The following TGM5 variants were observed in gnomAD, a reference collection of about 807,000 sequenced individuals.
TGM5 encodes the protein transglutaminase 5.
TGM5 carries 69 observed loss-of-function variants against 77.2 expected under a neutral mutation model. The observed-to-expected ratio is 0.89, with a 90% CI of 0.74 to 1.09. The LOEUF (loss-of-function observed/expected upper bound fraction) is 1.09. TGM5 is among the 50% of genes least tolerant of loss of function. TGM5 has a pLI of 0.00. For missense variants in TGM5, 842 were observed against 896.5 expected, an observed-to-expected ratio of 0.94 and a Z score of 0.78; for synonymous variants, 346 against 351.8, an observed-to-expected ratio of 0.98 and a Z score of 0.18.
intron 7 of TGM5, 145 bp downstream of exon 7, chr15:43,240,706 TG>T: frequency 1.4e-5 from 11 of 784,098 alleles, no homozygotes; most frequent in South Asian, 4.8e-5. Context: ...ACAGCCTTGG[TG>T]GGGGGTGGGT....
intron 7 of TGM5, among the ~76,000 whole-genome samples, chr15:43,240,363 C>G (rs1212417380): frequency 6.6e-6 from 1 of 152,184 alleles, no homozygotes; most frequent in Non-Finnish European, 1.5e-5. Flanking sequence ...ACATGGCTGT[C>G]CATACTCTGT....
intron 1 of TGM5, among the ~76,000 whole-genome samples, chr15:43,263,060 T>A (rs1400088610): frequency 6.6e-6 from 1 of 152,198 alleles, no homozygotes; most frequent in Non-Finnish European, 1.5e-5. Flanking sequence ...AAAAACCAAT[T>A]GTATTTTTAT....
At chr15:43,260,323 C>T (rs2042775946) in intron 2 of TGM5, 26 bp from the exon 3 acceptor site, 1 of 1,614,030 alleles carries the variant, frequency 6.2e-7, no homozygotes, top group African/African-American at 1.3e-5. Flanking sequence ...AGCTGAGGCC[C>T]TCCATGGCGA....
intron 11 of TGM5, 88 bp from the exon 12 acceptor site, chr15:43,233,775 G>A: frequency 1.4e-6 from 2 of 1,480,638 alleles, no homozygotes; most frequent in South Asian, 1.2e-5. Flanking sequence ...TAAGGTGGCA[G>A]GATATGCCAC....
intron 3 of TGM5, 81 bp downstream of exon 3, chr15:43,259,971 G>C: frequency 6.2e-7 from 1 of 1,604,464 alleles, no homozygotes; most frequent in East Asian, 2.2e-5. Context: ...CCGGGAGCGG[G>C]GTCTAGAAAC....
In TGM5 at chr15:43,252,719, A is replaced by G. The variant is rs370211525; in HGVS notation, c.862+40T>C. ...TCAGAAGGCTCATACATGAGCGGCT[A>G]TACTTCTGACCTTTTTGTGGGGTCC... On this transcript the variant is annotated intron_variant, in intron 6 of 12. Transcript: ENST00000220420. The G allele has an allele frequency of 1.1e-5, 18 of 1,611,202 alleles. No individual in the cohort carries two copies. The African/African-American group carries it at 2.4e-4, about 21-fold the overall frequency.
At chr15:43,234,297 G>A (rs1029181396) in intron 11 of TGM5, among the ~76,000 whole-genome samples, 12 of 152,148 alleles carry the variant, frequency 7.9e-5, no homozygotes, top group East Asian at 5.8e-4. Context: ...TTGGAAGACC[G>A]CAGAATGTCA....
At position 43,253,574 on chromosome 15, in the gene TGM5, T is replaced by A; in HGVS notation, c.616A>T (p.Thr206Ser). Residue 206 changes from threonine to serine, a missense_variant, in exon 5 of 13, where the codon ACT (threonine) becomes TCT (serine). Coordinates refer to ENST00000220420, the MANE Select transcript of TGM5 (RefSeq NM_201631.4). The part of the protein sequence containing the change: ...KLLDKSLHFQ[T>S]DPATDCALRG... ...AGAGCACAGTCTGTGGCTGGGTCAGTCTGGAAGTGCAGGCTCTTGTCTAGC... is the reference window on the plus strand; with the variant it reads ...AGAGCACAGTCTGTGGCTGGGTCAGACTGGAAGTGCAGGCTCTTGTCTAGC... 6.2e-7 allele frequency: 1 copy of A among 1,613,872 alleles called. No homozygotes were observed. The highest frequency in any genetic ancestry group is 8.5e-7 in the Non-Finnish European group (1 of 1,180,028).
Position 43,261,097 on chromosome 15 carries a change from T to G in TGM5, c.11-518A>C, listed in dbSNP as rs61263451. 7.7e-4 allele frequency among the ~76,000 whole-genome samples: 75 copies of G among 97,340 alleles called. 2 individuals are homozygous for G. The highest frequency in any genetic ancestry group is 2.4e-3 in the African/African-American group (48 of 19,646). The allele number at this position is 97,340 out of a possible 152,430, so 63.9% of individuals were successfully genotyped here. ...GTGTGTTTTTTTTTTTTTTTTTTTT[T>G]TTTTTTTTTTGAGACAGAGTCTCAC... On this transcript the variant is annotated intron_variant, in intron 1 of 12. Transcript: ENST00000220420.
intron 6 of TGM5, among the ~76,000 whole-genome samples, chr15:43,245,995 C>G (rs568126023): frequency 5.3e-5 from 8 of 151,860 alleles, no homozygotes; most frequent in Non-Finnish European, 7.4e-5. Flanking sequence ...CCTGGACCAA[C>G]AGAGAAAAGA....
intron 6 of TGM5, among the ~76,000 whole-genome samples, chr15:43,248,789 GGGTAAAAACAATGAGAACAAGAGT>G (rs2042685234): frequency 6.6e-6 from 1 of 152,158 alleles, no homozygotes; most frequent in Admixed American, 6.5e-5. Flanking sequence ...TGAGACTTAA[GGGTAAAAACAATGAGAACAAGAGT>G]TATTGTATTG....
chr15:43,238,146 C>T (rs565235871), intron 9 of TGM5, among the ~76,000 whole-genome samples: 1 of 152,342 alleles, frequency 6.6e-6, no homozygotes, highest in Non-Finnish European at 1.5e-5. Flanking sequence ...CTCCCCACCG[C>T]CCTTCAGCCA....
chr15:43,235,899 G>GAGC (rs1176144955), intron 9 of TGM5, 62 bp from the exon 10 acceptor site: 1 of 1,604,062 alleles, frequency 6.2e-7, no homozygotes, highest in African/African-American at 1.3e-5. Context: ...GACTGAGGCT[G>GAGC]AGCGCCATCC....
intron 6 of TGM5, among the ~76,000 whole-genome samples, chr15:43,241,894 C>T (rs931684488): frequency 6.6e-6 from 1 of 152,224 alleles, no homozygotes; most frequent in African/African-American, 2.4e-5. Flanking sequence ...CCTGCCTTGG[C>T]CTCCCAAAGT....
intron 4 of TGM5, among the ~76,000 whole-genome samples, chr15:43,255,556 G>T (rs1352806340): frequency 2.6e-5 from 4 of 152,170 alleles, no homozygotes; most frequent in Non-Finnish European, 5.9e-5. Flanking sequence ...CCACCCCTGG[G>T]CCCAGGCTGG....
At position 43,239,188 on chromosome 15, in the gene TGM5, G is replaced by A. The variant is rs145306565; in HGVS notation, c.1080C>T (p.Asp360=). The A allele has an allele frequency of 7.6e-4, 1,219 of 1,614,132 alleles. 1 individual carries two copies. Among genetic ancestry groups the A allele is most frequent in the Non-Finnish European group, 9.4e-4 (1,113 of 1,180,030 alleles). ...CGTTGCTCATCTCCTGAGGTGTGGC[G>A]TCCAGCACCTGCCAGCCTCCATATG... ...PPAYGGWQVL[D]ATPQEMSNGV... is the part of the protein sequence containing the mutation. Residue 360 remains aspartate, a synonymous_variant, in exon 8 of 13, where the codon GAC becomes GAT. Transcript: ENST00000220420.
At chr15:43,256,807 G>A in intron 3 of TGM5, 121 bp from the exon 4 acceptor site, 1 of 774,234 alleles carries the variant, frequency 1.3e-6, no homozygotes, top group South Asian at 1.4e-5. Context: ...GACACCAAGA[G>A]GGGCACGAGG....
intron 6 of TGM5, among the ~76,000 whole-genome samples, chr15:43,251,023 C>T (rs777946075): frequency 6.6e-6 from 1 of 152,222 alleles, no homozygotes; most frequent in South Asian, 2.1e-4. Context: ...TCTACACACA[C>T]ATACCTGGCC....
At chr15:43,237,457 C>T (rs893275047) in intron 9 of TGM5, among the ~76,000 whole-genome samples, 6 of 152,094 alleles carry the variant, frequency 3.9e-5, no homozygotes, top group Non-Finnish European at 8.8e-5. Context: ...CACTTCACAC[C>T]GAATCAGTGA....
Sources: gnomAD v4.1 joint callset for allele counts (sites outside exome capture counted in the v4.1 genomes callset) on GRCh38, gnomAD v4.1.1 for gene constraint, MANE v1.5 for transcripts, NCBI Gene and HGNC (gene_info 2026-07-23, HGNC 2026-07-21) for gene names.